PSD3: variants seen among roughly 807,000 people sequenced by gnomAD.
The protein encoded by PSD3 is PH and SEC7 domain-containing protein 3.
PSD3 carries 49 observed loss-of-function variants against 105.5 expected under a neutral mutation model. The ratio of observed to expected loss-of-function variants is 0.46; its 90% CI spans 0.37 to 0.59. The LOEUF (loss-of-function observed/expected upper bound fraction) is 0.59, where lower values mean the gene tolerates loss of function less well. Ranked by LOEUF, PSD3 falls within the 20% of genes least tolerant of loss-of-function variation. The pLI, the probability that PSD3 is intolerant of heterozygous loss-of-function variation, is 0.00. For synonymous variants in PSD3, 557 were observed against 457.8 expected, an observed-to-expected ratio of 1.22 and a Z score of -2.77; for missense variants, 1,561 against 1,263.8, an observed-to-expected ratio of 1.24 and a Z score of -3.57.
At chr8:19,051,091 G>C (rs1261690636) in intron 1 of PSD3, among the ~76,000 whole-genome samples, 1 of 152,124 alleles carries the variant, frequency 6.6e-6, no homozygotes, top group Non-Finnish European at 1.5e-5. Flanking sequence ...ACTGCAGCTA[G>C]GGTGCACATC....
chr8:19,060,427 T>C (rs1828857267), intron 1 of PSD3, among the ~76,000 whole-genome samples: 1 of 152,138 alleles, frequency 6.6e-6, no homozygotes. Flanking sequence ...CACTCTAACA[T>C]ATTAATGTCT....
At chr8:19,023,163 C>A (rs1292057278) in intron 1 of PSD3, among the ~76,000 whole-genome samples, 2 of 152,190 alleles carry the variant, frequency 1.3e-5, no homozygotes, top group Non-Finnish European at 2.9e-5. Flanking sequence ...AAACAATCCT[C>A]CATCCACATC....
intron 1 of PSD3, among the ~76,000 whole-genome samples, chr8:18,993,994 G>C (rs527283447): frequency 6.6e-6 from 1 of 152,084 alleles, no homozygotes; most frequent in East Asian, 1.9e-4. Context: ...TGAGAAGGCA[G>C]TCTGGCACAG....
intron 1 of PSD3, among the ~76,000 whole-genome samples, chr8:19,003,789 G>A (rs1203123672): frequency 6.6e-6 from 1 of 151,984 alleles, no homozygotes; most frequent in Non-Finnish European, 1.5e-5. Context: ...TCAAGACCCA[G>A]TGCTGAGGTA....
At chr8:18,799,761 G>C (rs186165912) in intron 7 of PSD3, among the ~76,000 whole-genome samples, 142 of 152,258 alleles carry the variant, frequency 9.3e-4, no homozygotes, top group African/African-American at 3.2e-3. Flanking sequence ...ATTACTGTTA[G>C]GTTAAAGTCA....
At position 18,594,154 on chromosome 8, in the gene PSD3, ATAT is replaced by A. The variant is rs1440323775; in HGVS notation, c.2481+6207_2481+6209del. Among the ~76,000 whole-genome samples, 73 of 63,424 alleles carry A rather than the reference ATAT, an allele frequency of 1.2e-3. 5 individuals carry two copies. The highest frequency in any genetic ancestry group is 3.8e-3 in the African/African-American group (70 of 18,208). 41.6% of individuals were successfully genotyped at this position (63,424 alleles called of 152,430 possible). ...ATATTATATATATATTATATAATAT[ATAT>A]TATTATATACATATTATATAATATA... is the stretch of plus-strand genomic sequence containing the variant. On this transcript the variant is annotated intron_variant, in intron 12 of 15. Transcript: ENST00000327040.
intron 4 of PSD3, among the ~76,000 whole-genome samples, chr8:18,844,096 T>C (rs1814879222): frequency 6.6e-6 from 1 of 152,098 alleles, no homozygotes; most frequent in Non-Finnish European, 1.5e-5. Flanking sequence ...GGGTTCCAAA[T>C]TTTAACATAA....
chr8:19,074,611 A>ATATATATATATAT (rs1324257417), intron 1 of PSD3, among the ~76,000 whole-genome samples: 7 of 24,198 alleles, frequency 2.9e-4, no homozygotes, highest in East Asian at 2.2e-3. Flanking sequence ...ATATATATAT[A>ATATATATATATAT]TTTTTTTTTT....
intron 1 of PSD3, among the ~76,000 whole-genome samples, chr8:18,986,640 T>C (rs1161744556): frequency 2.0e-5 from 3 of 151,988 alleles, no homozygotes; most frequent in Non-Finnish European, 4.4e-5. Flanking sequence ...CCTTATCCGG[T>C]CAGCAGATAT....
chr8:18,560,302 ACT>A (rs1801323284), intron 14 of PSD3, among the ~76,000 whole-genome samples: 1 of 152,136 alleles, frequency 6.6e-6, no homozygotes, highest in Admixed American at 6.5e-5. Context: ...ACATTCTCAG[ACT>A]CAGGACAACT....
chr8:18,591,025 G>T (rs1013797144), intron 12 of PSD3, among the ~76,000 whole-genome samples: 6 of 152,142 alleles, frequency 3.9e-5, no homozygotes, highest in African/African-American at 7.2e-5. Flanking sequence ...GGTAGTCCCA[G>T]CTCCCATCTC....
chr8:19,077,805 G>T (rs1829507222), intron 1 of PSD3, among the ~76,000 whole-genome samples: 1 of 152,042 alleles, frequency 6.6e-6, no homozygotes, highest in East Asian at 1.9e-4. Context: ...AAGTCATAAG[G>T]TACAGTTCAA....
At chr8:18,559,939 G>T (rs1801295315) in intron 14 of PSD3, among the ~76,000 whole-genome samples, 1 of 152,064 alleles carries the variant, frequency 6.6e-6, no homozygotes, top group African/African-American at 2.4e-5. Flanking sequence ...TTTTTACAAA[G>T]GAACTAACCG....
intron 4 of PSD3, among the ~76,000 whole-genome samples, chr8:18,847,286 A>C (rs1249102314): frequency 5.3e-5 from 8 of 152,184 alleles, no homozygotes; most frequent in Non-Finnish European, 2.9e-5. Context: ...GTTTCAAAGT[A>C]AATATCTCCC....
intron 1 of PSD3, among the ~76,000 whole-genome samples, chr8:18,976,911 T>C (rs1470978831): frequency 6.6e-6 from 1 of 152,148 alleles, no homozygotes; most frequent in African/African-American, 2.4e-5. Context: ...ATGTGGCTGT[T>C]ATAGAGAATG....
In PSD3 at chr8:18,865,927, T is replaced by A. The variant is rs147294472; in HGVS notation, c.1634+1747A>T. Among the ~76,000 whole-genome samples the A allele has an allele frequency of 2.5e-3, 376 of 152,326 alleles. 1 individual carries two copies. The highest frequency in any genetic ancestry group is 8.8e-3 in the African/African-American group (366 of 41,582). On this transcript the variant is annotated intron_variant, in intron 4 of 15. Transcript: ENST00000327040. ...CTGGCACCCATGCTGGCCCAAATGA[T>A]GACAACCTCCTGTTCTAAGTGCACA...
At chr8:18,782,856 C>G (rs1808773472) in intron 8 of PSD3, among the ~76,000 whole-genome samples, 1 of 152,308 alleles carries the variant, frequency 6.6e-6, no homozygotes, top group South Asian at 2.1e-4. Flanking sequence ...CTGGGTGGCA[C>G]ATGGCCGTAG....
At chr8:18,892,924 C>A (rs1009689835) in intron 2 of PSD3, among the ~76,000 whole-genome samples, 1 of 152,032 alleles carries the variant, frequency 6.6e-6, no homozygotes, top group Non-Finnish European at 1.5e-5. Context: ...CGTGCCCAGC[C>A]CCTAAGTAAA....
intron 14 of PSD3, among the ~76,000 whole-genome samples, chr8:18,571,315 C>T (rs564386190): frequency 6.6e-6 from 1 of 152,250 alleles, no homozygotes; most frequent in African/African-American, 2.4e-5. Flanking sequence ...CAGTTAATAA[C>T]TTGTGTGTGG....
Sources: allele counts gnomAD v4.1 joint callset (sites outside exome capture counted in the v4.1 genomes callset), GRCh38; gene constraint gnomAD v4.1.1; transcripts MANE v1.5; gene names NCBI Gene and HGNC (gene_info 2026-07-23, HGNC 2026-07-21).